The following ZNF438 variants were observed in gnomAD, a reference collection of about 807,000 sequenced individuals.
ZNF438 encodes the protein zinc finger protein 438.
In ZNF438, 25 loss-of-function variants were observed where a neutral mutation model predicts 38.0. The observed-to-expected ratio is 0.66, with a 90% CI of 0.48 to 0.92. The LOEUF (loss-of-function observed/expected upper bound fraction) is 0.92, where lower values mean the gene tolerates loss of function less well. Ranked by LOEUF, ZNF438 falls within the 40% of genes least tolerant of loss-of-function variation. The pLI is 0.00. For missense variants in ZNF438, 1,007 were observed against 999.6 expected, an observed-to-expected ratio of 1.01 and a Z score of -0.10; for synonymous variants, 372 against 364.1, an observed-to-expected ratio of 1.02 and a Z score of -0.25.
At chr10:30,944,959 T>C (rs1668725723) in intron 1 of ZNF438, among the ~76,000 whole-genome samples, 1 of 152,034 alleles carries the variant, frequency 6.6e-6, no homozygotes, top group Non-Finnish European at 1.5e-5. Flanking sequence ...TTAGTAGGGG[T>C]TTATCAGTTT....
At chr10:30,931,665 T>G (rs2045713802) in intron 2 of ZNF438, among the ~76,000 whole-genome samples, 1 of 152,214 alleles carries the variant, frequency 6.6e-6, no homozygotes, top group Non-Finnish European at 1.5e-5. Context: ...GTATGTATAC[T>G]CTATAGTACG....
chr10:30,994,437 C>T lies in ZNF438; in HGVS notation c.-192+37396G>A, dbSNP rs191307180. Among the ~76,000 whole-genome samples the T allele has an allele frequency of 3.9e-3, 590 of 152,260 alleles. 7 individuals are homozygous for T. The highest frequency in any genetic ancestry group is 2.8e-3 in the Non-Finnish European group (189 of 68,024). ...AAGTTACTGGATTAATGGGTTATCACGCAGGTAGGCTAGCTATCACAAGAG... is the reference window on the plus strand; with the variant it reads ...AAGTTACTGGATTAATGGGTTATCATGCAGGTAGGCTAGCTATCACAAGAG... On this transcript the variant is annotated intron_variant, in intron 1 of 5. Transcript: ENST00000413025.
At chr10:30,932,273 C>G (rs1243096058) in intron 2 of ZNF438, among the ~76,000 whole-genome samples, 2 of 151,808 alleles carry the variant, frequency 1.3e-5, no homozygotes, top group African/African-American at 4.8e-5. Flanking sequence ...TTTTTTCATG[C>G]AACAATTCTA....
chr10:30,863,784 G>A (rs998161423), intron 4 of ZNF438, among the ~76,000 whole-genome samples: 25 of 152,248 alleles, frequency 1.6e-4, no homozygotes, highest in Non-Finnish European at 3.2e-4. Flanking sequence ...CCCTCATATT[G>A]TAGGTTCGCC....
chr10:30,885,717 T>C (rs997124681), intron 3 of ZNF438, among the ~76,000 whole-genome samples: 3 of 152,108 alleles, frequency 2.0e-5, no homozygotes, highest in African/African-American at 7.2e-5. Context: ...CATGTACCTA[T>C]AGACAAGGGT....
At chr10:30,987,380 A>AT (rs1472701272) in intron 1 of ZNF438, among the ~76,000 whole-genome samples, 1 of 151,914 alleles carries the variant, frequency 6.6e-6, no homozygotes, top group African/African-American at 2.4e-5. Flanking sequence ...AAAAAAAAAA[A>AT]TTCCAGCATG....
intron 1 of ZNF438, among the ~76,000 whole-genome samples, chr10:31,024,794 T>C (rs1194743957): frequency 6.6e-6 from 1 of 152,132 alleles, no homozygotes; most frequent in African/African-American, 2.4e-5. Context: ...CAATCAAAAA[T>C]GAAAATTAAT....
At chr10:30,972,121 C>T (rs796741494) in intron 1 of ZNF438, among the ~76,000 whole-genome samples, 5 of 141,820 alleles carry the variant, frequency 3.5e-5, no homozygotes, top group African/African-American at 1.3e-4. Flanking sequence ...AGGTGCCCAC[C>T]ACCACGCCTG....
chr10:30,849,609 C>T, exon 5 of ZNF438: 6 of 1,614,176 alleles, frequency 3.7e-6, no homozygotes, highest in East Asian at 2.2e-5. Flanking sequence ...ATGGTTTTTG[C>T]AAGATCAACT....
chr10:30,860,545 AT>A (rs2035402028), intron 4 of ZNF438, among the ~76,000 whole-genome samples: 1 of 152,158 alleles, frequency 6.6e-6, no homozygotes, highest in African/African-American at 2.4e-5. Context: ...ATGAAACTGT[AT>A]TTTAAATCTT....
exon 5 of ZNF438, chr10:30,849,954 C>A: frequency 1.9e-6 from 3 of 1,614,074 alleles, no homozygotes; most frequent in Non-Finnish European, 2.5e-6. Context: ...TGGGTTTGGG[C>A]AGGAGCTTTG....
intron 2 of ZNF438, among the ~76,000 whole-genome samples, chr10:30,935,976 C>A (rs2046212068): frequency 6.6e-6 from 1 of 152,142 alleles, no homozygotes; most frequent in South Asian, 2.1e-4. Context: ...ACAGCCAAAC[C>A]ATATCAGAGG....
At chr10:30,930,742 G>A (rs1004317060) in intron 2 of ZNF438, among the ~76,000 whole-genome samples, 1 of 140,892 alleles carries the variant, frequency 7.1e-6, no homozygotes, top group Admixed American at 7.6e-5. Flanking sequence ...AGGAGGCAGA[G>A]GTCGTAGTAA....
intron 4 of ZNF438, among the ~76,000 whole-genome samples, chr10:30,854,703 T>A (rs1207788080): frequency 6.6e-6 from 1 of 152,126 alleles, no homozygotes; most frequent in Non-Finnish European, 1.5e-5. Context: ...AAGAGAATGG[T>A]AAATTATGCT....
At chr10:30,948,264 A>G (rs1405406592) in intron 1 of ZNF438, among the ~76,000 whole-genome samples, 2 of 152,184 alleles carry the variant, frequency 1.3e-5, no homozygotes, top group African/African-American at 4.8e-5. Flanking sequence ...CACCATCATC[A>G]AAGACCAAAA....
At chr10:30,916,264 T>C (rs1290283134) in intron 2 of ZNF438, among the ~76,000 whole-genome samples, 1 of 152,118 alleles carries the variant, frequency 6.6e-6, no homozygotes, top group Non-Finnish European at 1.5e-5. Context: ...CTACTTCTCA[T>C]ATTTTGCATA....
intron 2 of ZNF438, among the ~76,000 whole-genome samples, chr10:30,938,556 G>A (rs942356793): frequency 4.0e-5 from 6 of 151,858 alleles, no homozygotes; most frequent in Non-Finnish European, 5.9e-5. Context: ...GATTACAGGC[G>A]TGAGCCACCA....
chr10:30,884,757 T>C (rs1382046428), intron 3 of ZNF438, among the ~76,000 whole-genome samples: 3 of 152,208 alleles, frequency 2.0e-5, no homozygotes, highest in Admixed American at 6.5e-5. Context: ...ATTAGGTGAA[T>C]TGGTTACTTG....
At chr10:30,908,783 G>T (rs1458613118) in intron 3 of ZNF438, 150 bp downstream of exon 4, 1 of 152,132 alleles carries the variant, frequency 6.6e-6, no homozygotes, top group African/African-American at 2.4e-5. Context: ...TGGTAAAGAA[G>T]AAATATATTT....
Sources: allele counts gnomAD v4.1 joint callset (sites outside exome capture counted in the v4.1 genomes callset), GRCh38; gene constraint gnomAD v4.1.1; transcripts MANE v1.5; gene names NCBI Gene and HGNC (gene_info 2026-07-23, HGNC 2026-07-21).